SUGCT: variants seen among roughly 807,000 people sequenced by gnomAD.
SUGCT encodes the protein succinyl-CoA:glutarate-CoA transferase, also known as succinyl-CoA:glutarate CoA-transferase.
SUGCT carries 41 observed loss-of-function variants against 55.0 expected under a neutral mutation model. The observed-to-expected ratio is 0.74, with a 90% CI of 0.58 to 0.97. The LOEUF (loss-of-function observed/expected upper bound fraction) is 0.97, where lower values mean the gene tolerates loss of function less well. Ranked by LOEUF, SUGCT falls within the 50% of genes least tolerant of loss-of-function variation. The pLI, the probability that SUGCT is intolerant of heterozygous loss-of-function variation, is 0.00. For missense variants in SUGCT, 568 were observed against 547.8 expected (o/e 1.04, Z -0.37); for synonymous variants, 187 against 200.4 (o/e 0.93, Z 0.56).
At chr7:40,638,696 A>G (rs1800128120) in intron 12 of SUGCT, among the ~76,000 whole-genome samples, 1 of 152,188 alleles carries the variant, frequency 6.6e-6, no homozygotes, top group Non-Finnish European at 1.5e-5. Context: ...TAAGGGAGGA[A>G]AGGAGCAGGG....
intron 8 of SUGCT, among the ~76,000 whole-genome samples, chr7:40,303,965 A>G (rs547344388): frequency 2.0e-5 from 3 of 151,128 alleles, no homozygotes; most frequent in Non-Finnish European, 2.9e-5. Context: ...AAATCGGCTA[A>G]TTGAACTCGG....
chr7:40,374,043 A>C (rs557140537), intron 9 of SUGCT, among the ~76,000 whole-genome samples: 110 of 152,274 alleles, frequency 7.2e-4, no homozygotes, highest in African/African-American at 2.6e-3. Context: ...TGAAGTTTTC[A>C]GTGAATCTAC....
At chr7:40,899,526 TACA>T in the SUGCT span, among the ~76,000 whole-genome samples, 3 of 151,676 alleles carry the variant, frequency 2.0e-5, no homozygotes, top group East Asian at 1.9e-4. Flanking sequence ...CAACGAAAAA[TACA>T]ACAACAAACA....
intron 12 of SUGCT, among the ~76,000 whole-genome samples, chr7:40,592,452 T>C (rs1201461621): frequency 1.3e-5 from 2 of 152,010 alleles, no homozygotes; most frequent in Non-Finnish European, 2.9e-5. Flanking sequence ...AGCAGAGGGA[T>C]TGTGGGTAGA....
intron 7 of SUGCT, among the ~76,000 whole-genome samples, chr7:40,238,158 C>T (rs1294267431): frequency 2.6e-5 from 4 of 152,138 alleles, no homozygotes; most frequent in Non-Finnish European, 4.4e-5. Flanking sequence ...GCCATGTGTA[C>T]ATAGCAGAGG....
intron 12 of SUGCT, among the ~76,000 whole-genome samples, chr7:40,617,106 A>G (rs907052656): frequency 6.6e-6 from 1 of 151,704 alleles, no homozygotes; most frequent in African/African-American, 2.4e-5. Context: ...TTTGAAAAAA[A>G]AAATCCAAAG....
chr7:40,306,479 C>G (rs1794858160), intron 8 of SUGCT, among the ~76,000 whole-genome samples: 1 of 152,158 alleles, frequency 6.6e-6, no homozygotes, highest in African/African-American at 2.4e-5. Context: ...CTACACTTAA[C>G]AGATTGCCTT....
intron 13 of SUGCT, among the ~76,000 whole-genome samples, chr7:40,852,257 C>T (rs192819977): frequency 6.8e-4 from 104 of 152,244 alleles, no homozygotes; most frequent in African/African-American, 2.4e-3. Flanking sequence ...CTACCCTGGC[C>T]CATGTATTAA....
At chr7:40,498,271 T>A (rs1792095729) in intron 12 of SUGCT, among the ~76,000 whole-genome samples, 1 of 152,216 alleles carries the variant, frequency 6.6e-6, no homozygotes. Context: ...TGTGATGACT[T>A]AGTTCATTCA....
chr7:40,322,973 T>TAAATAAAATA lies in SUGCT; in HGVS notation c.816+6131_816+6140dup, dbSNP rs57592916. Among the ~76,000 whole-genome samples, 1,040 of 146,670 alleles carry TAAATAAAATA rather than the reference T, an allele frequency of 7.1e-3. 31 individuals are homozygous for TAAATAAAATA. The highest frequency in any genetic ancestry group is 0.058 in the Admixed American group (854 of 14,612). On this transcript the variant is annotated intron_variant, in intron 9 of 13. Coordinates refer to ENST00000335693, the MANE Select transcript of SUGCT (RefSeq NM_001193313.2). ...GAGCGAGACCCTGTCTCAAATAAAA[T>TAAATAAAATA]AAATAAAATAAAATAAAATAAACTA...
At chr7:40,348,114 G>A in intron 9 of SUGCT, among the ~76,000 whole-genome samples, 1 of 152,332 alleles carries the variant, frequency 6.6e-6, no homozygotes, top group South Asian at 2.1e-4. Context: ...AGTCCTGCAC[G>A]GGGGTTGCGG....
At chr7:40,669,293 G>C (rs1801810684) in intron 12 of SUGCT, among the ~76,000 whole-genome samples, 1 of 147,556 alleles carries the variant, frequency 6.8e-6, no homozygotes, top group Non-Finnish European at 1.5e-5. Flanking sequence ...TAAAACAGAA[G>C]GTTTAAATAA....
chr7:40,333,636 CAAAAAAAAAAAAAAA>C (rs1212001738), intron 9 of SUGCT, among the ~76,000 whole-genome samples: 5 of 49,942 alleles, frequency 1.0e-4, no homozygotes, highest in Admixed American at 4.1e-4. Context: ...GACTCTGTCT[CAAAAAAAAAAAAAAA>C]AAAAAAAAAA....
chr7:40,370,282 G>C (rs1363617574), intron 9 of SUGCT, among the ~76,000 whole-genome samples: 1 of 152,122 alleles, frequency 6.6e-6, no homozygotes, highest in Non-Finnish European at 1.5e-5. Context: ...AATAAGTTTT[G>C]CAAGAGCCAG....
intron 13 of SUGCT, among the ~76,000 whole-genome samples, chr7:40,787,728 G>T (rs1790091473): frequency 7.1e-6 from 1 of 139,904 alleles, no homozygotes; most frequent in Admixed American, 7.3e-5. Flanking sequence ...AACCAGGAAA[G>T]GGGCAGGCTA....
intron 6 of SUGCT, among the ~76,000 whole-genome samples, chr7:40,210,567 C>CT (rs1787278593): frequency 6.6e-6 from 1 of 151,854 alleles, no homozygotes; most frequent in African/African-American, 2.4e-5. Flanking sequence ...ATAAAATTTT[C>CT]TTTTCAATTC....
chr7:40,595,783 C>T (rs1165719667), intron 12 of SUGCT, among the ~76,000 whole-genome samples: 1 of 152,128 alleles, frequency 6.6e-6, no homozygotes, highest in Non-Finnish European at 1.5e-5. Flanking sequence ...ATGATCTTTG[C>T]TAACAAAGGT....
At chr7:40,674,143 G>A (rs970109766) in intron 12 of SUGCT, among the ~76,000 whole-genome samples, 1 of 152,200 alleles carries the variant, frequency 6.6e-6, no homozygotes, top group Non-Finnish European at 1.5e-5. Context: ...GAACAGGTTT[G>A]TTATTGTTAA....
intron 11 of SUGCT, among the ~76,000 whole-genome samples, chr7:40,464,647 T>C (rs1008604530): frequency 3.9e-5 from 6 of 152,178 alleles, no homozygotes; most frequent in African/African-American, 1.4e-4. Flanking sequence ...CTGGACAACA[T>C]AGCAAGACCC....
Sources: allele counts gnomAD v4.1 joint callset (sites outside exome capture counted in the v4.1 genomes callset), GRCh38; gene constraint gnomAD v4.1.1; transcripts MANE v1.5; gene names NCBI Gene and HGNC (gene_info 2026-07-23, HGNC 2026-07-21).